The following PFDN1 variants were observed in gnomAD, a reference collection of about 807,000 sequenced individuals.
PFDN1 encodes prefoldin subunit 1.
Under a neutral mutation model 17.3 loss-of-function variants are expected in PFDN1, and 6 were observed. That is an observed-to-expected ratio of 0.35 (90% CI 0.19 to 0.69). The LOEUF is 0.69. Ranked by LOEUF, PFDN1 falls within the 30% of genes least tolerant of loss-of-function variation. PFDN1 has a pLI of 0.65. For missense variants in PFDN1, 113 were observed against 146.2 expected, an observed-to-expected ratio of 0.77 and a Z score of 1.17; for synonymous variants, 58 against 50.1, an observed-to-expected ratio of 1.16 and a Z score of -0.67.
intron 3 of PFDN1, among the ~76,000 whole-genome samples, chr5:140,246,426 C>T (rs1239423339): frequency 6.6e-6 from 1 of 152,256 alleles, no homozygotes; most frequent in Non-Finnish European, 1.5e-5. Context: ...AACAGACTAT[C>T]TCCTCTCAAG....
chr5:140,284,122 A>G (rs532178641), intron 2 of PFDN1, among the ~76,000 whole-genome samples: 1 of 152,320 alleles, frequency 6.6e-6, no homozygotes, highest in Admixed American at 6.5e-5. Context: ...ACTAGAAAGC[A>G]AGAACACTCA....
chr5:140,285,757 T>C (rs113335847), intron 2 of PFDN1, among the ~76,000 whole-genome samples: 3 of 152,268 alleles, frequency 2.0e-5, no homozygotes, highest in African/African-American at 7.2e-5. Context: ...CAGCAGTAAA[T>C]TGGCTTTCAT....
chr5:140,247,999 C>T (rs1764856269), intron 3 of PFDN1, among the ~76,000 whole-genome samples: 1 of 152,098 alleles, frequency 6.6e-6, no homozygotes, highest in Non-Finnish European at 1.5e-5. Context: ...ATTTTAATTA[C>T]ATTGCTAAAC....
At chr5:140,283,576 T>G (rs554245901) in intron 2 of PFDN1, among the ~76,000 whole-genome samples, 1 of 152,332 alleles carries the variant, frequency 6.6e-6, no homozygotes, top group East Asian at 1.9e-4. Flanking sequence ...ACTTGATTCT[T>G]TGTAAAACCT....
intron 3 of PFDN1, among the ~76,000 whole-genome samples, chr5:140,253,714 G>A (rs796514028): frequency 6.6e-6 from 1 of 152,340 alleles, no homozygotes; most frequent in African/African-American, 2.4e-5. Context: ...AGCAAATCAC[G>A]TCAAGTGATG....
rs893055639 is a variant in PFDN1 at position 140,254,021 on chromosome 5, T to A, written c.286-7964A>T. 6.6e-6 allele frequency among the ~76,000 whole-genome samples: 1 copy of A among 152,176 alleles called. No homozygotes were observed. Among genetic ancestry groups the A allele is most frequent in the Non-Finnish European group, 1.5e-5 (1 of 68,024 alleles). ...TGAGACTCAAACTTTTTGTTCTAAA[T>A]CAGGAGTCAGCAAACTTTTTCTATA... On this transcript the variant is annotated intron_variant, in intron 3 of 3. Transcript: ENST00000261813. The surrounding 1 kb of genome is among the most constrained non-coding windows in gnomAD (Gnocchi z 4.4).
At chr5:140,273,868 A>C in intron 3 of PFDN1, 1 of 981,344 alleles carries the variant, frequency 1.0e-6, no homozygotes, top group Non-Finnish European at 1.2e-6. Flanking sequence ...CTGTATATGC[A>C]TGTGCCTAAA....
chr5:140,260,004 A>G (rs572657840), intron 3 of PFDN1, among the ~76,000 whole-genome samples: 1 of 152,316 alleles, frequency 6.6e-6, no homozygotes, highest in South Asian at 2.1e-4. Context: ...ATGCAAATTT[A>G]AAAAATCACA....
chr5:140,289,999 T>A (rs1765555931), intron 2 of PFDN1, among the ~76,000 whole-genome samples: 1 of 152,210 alleles, frequency 6.6e-6, no homozygotes, highest in African/African-American at 2.4e-5. Context: ...CTCTGCCTAA[T>A]TCATCCTAAA....
Position 140,247,607 on chromosome 5 carries a change from A to G in PFDN1, c.286-1550T>C, listed in dbSNP as rs566584979. On this transcript the variant is annotated intron_variant, in intron 3 of 3. Transcript: ENST00000261813. ...TCTTTACTCATCTCCCATCTGTCCT[A>G]AGTTGCAGAGAATTCCTTGGAACAC... 2.2e-4 allele frequency among the ~76,000 whole-genome samples: 34 copies of G among 152,328 alleles called. 1 individual carries two copies. The highest frequency in any genetic ancestry group is 7.2e-4 in the African/African-American group (30 of 41,582).
chr5:140,285,786 A>G (rs1437133553), intron 2 of PFDN1, among the ~76,000 whole-genome samples: 2 of 152,128 alleles, frequency 1.3e-5, no homozygotes, highest in Non-Finnish European at 2.9e-5. Context: ...TTTATGCTGA[A>G]TCCTGGAGAC....
Position 140,245,693 on chromosome 5 carries a change from A to C in PFDN1, c.*281T>G. On this transcript the variant is annotated 3_prime_UTR_variant, in exon 4 of 4. Transcript: ENST00000261813. ...CGTGCCTAGTGGAAAGCTCAGGCAG[A>C]GCTTCCTATCTTGCCCTGGCTCCCA... The C allele has an allele frequency of 1.6e-6, 1 of 626,812 alleles. No individual in the cohort carries two copies. Among genetic ancestry groups the C allele is most frequent in the Non-Finnish European group, 2.8e-6 (1 of 352,196 alleles). 38.8% of individuals were successfully genotyped at this position (626,812 alleles called of 1,614,324 possible). A position where few individuals can be genotyped will look rare whatever the true frequency, so the allele number is the denominator to read the frequency against.
At chr5:140,287,672 A>G (rs1765518154) in intron 2 of PFDN1, among the ~76,000 whole-genome samples, 1 of 152,158 alleles carries the variant, frequency 6.6e-6, no homozygotes, top group Admixed American at 6.6e-5. Flanking sequence ...ATGGAAGAAA[A>G]TATTTGCAAA....
intron 1 of PFDN1, among the ~76,000 whole-genome samples, chr5:140,302,767 C>T (rs1490115025): frequency 6.6e-6 from 1 of 152,114 alleles, no homozygotes; most frequent in East Asian, 1.9e-4. Flanking sequence ...CCAAACGCAA[C>T]GAAATGTCTC....
chr5:140,264,862 T>C (rs1765114564), intron 3 of PFDN1, among the ~76,000 whole-genome samples: 1 of 152,102 alleles, frequency 6.6e-6, no homozygotes, highest in African/African-American at 2.4e-5. Context: ...TAAAATAAAA[T>C]TTAAAATTCA....
At chr5:140,293,750 C>A (rs1414126074) in intron 2 of PFDN1, among the ~76,000 whole-genome samples, 1 of 152,034 alleles carries the variant, frequency 6.6e-6, no homozygotes, top group African/African-American at 2.4e-5. Context: ...TTTTAAATCA[C>A]TGACAACTTA....
chr5:140,292,890 C>A (rs1186206898), intron 2 of PFDN1: 1 of 152,088 alleles, frequency 6.6e-6, no homozygotes, highest in Non-Finnish European at 1.5e-5. Flanking sequence ...TATATATGAA[C>A]TGACTCACCT....
chr5:140,258,417 C>T (rs186831890), intron 3 of PFDN1, among the ~76,000 whole-genome samples: 165 of 120,590 alleles, frequency 1.4e-3, no homozygotes, highest in African/African-American at 4.9e-3. Flanking sequence ...TGTGCAAATA[C>T]AATTTTCTGA....
chr5:140,245,508 G>C lies in PFDN1; in HGVS notation c.*466C>G. 1 of 702,624 alleles carries C rather than the reference G, an allele frequency of 1.4e-6. No individual in the cohort carries two copies. The highest frequency in any genetic ancestry group is 1.5e-5 in the South Asian group (1 of 67,602). The allele number at this position is 702,624 out of a possible 1,614,324, so 43.5% of individuals were successfully genotyped here. A position where few individuals can be genotyped will look rare whatever the true frequency, so the allele number is the denominator to read the frequency against. ...AGGTACAGGAAGGGAAAAGAGAAGA[G>C]GGCAAGGCCCATCCCCCAAGAAAGG... On this transcript the variant is annotated 3_prime_UTR_variant, in exon 4 of 4. Transcript: ENST00000261813.
Sources: gnomAD v4.1 joint callset for allele counts (sites outside exome capture counted in the v4.1 genomes callset) on GRCh38, gnomAD v4.1.1 for gene constraint, Gnocchi (gnomAD v3.1) non-coding constraint, MANE v1.5 for transcripts, NCBI Gene and HGNC (gene_info 2026-07-23, HGNC 2026-07-21) for gene names.